CPNE5: variants seen among roughly 807,000 people sequenced by gnomAD.
The protein encoded by CPNE5 is copine-5.
Under a neutral mutation model 81.1 loss-of-function variants are expected in CPNE5, and 42 were observed. That is an observed-to-expected ratio of 0.52 (90% CI 0.40 to 0.67). The LOEUF (loss-of-function observed/expected upper bound fraction) is 0.67, where lower values mean the gene tolerates loss of function less well. Ranked by LOEUF, CPNE5 falls within the 30% of genes least tolerant of loss-of-function variation. The probability of loss-of-function intolerance (pLI) is 0.00; values close to 1 mark genes in which losing one functional copy is unlikely to be tolerated. For synonymous variants in CPNE5, 313 were observed against 321.5 expected (o/e 0.97, Z 0.28); for missense variants, 612 against 815.5 (o/e 0.75, Z 3.04).
chr6:36,756,466 C>T (rs549573479), intron 12 of CPNE5, among the ~76,000 whole-genome samples, 168 bp from the exon 13 acceptor site: 2 of 152,226 alleles, frequency 1.3e-5, no homozygotes, highest in South Asian at 4.2e-4. Flanking sequence ...TTGTGGGAGA[C>T]TGGTATTGAG....
At chr6:36,770,195 T>C (rs558836237) in intron 10 of CPNE5, among the ~76,000 whole-genome samples, 3 of 152,148 alleles carry the variant, frequency 2.0e-5, no homozygotes, top group Non-Finnish European at 4.4e-5. Context: ...GGTTTGGCCT[T>C]GTGTGGACTG....
At position 36,825,885 on chromosome 6, in the gene CPNE5, G is replaced by A. The variant is rs142464896; in HGVS notation, c.96-2787C>T. On this transcript the variant is annotated intron_variant, in intron 1 of 20. Transcript: ENST00000244751. Reference sequence around the variant, plus strand: ...GGGGGACTTCTCTACTAAAGCAAGCGCTTTAGGTTTATCTTTGAATTCTAT... The same window carrying A: ...GGGGGACTTCTCTACTAAAGCAAGCACTTTAGGTTTATCTTTGAATTCTAT... Among the ~76,000 whole-genome samples, 871 of 152,274 alleles carry A rather than the reference G, an allele frequency of 5.7e-3. 1 individual carries two copies. The highest frequency in any genetic ancestry group is 9.2e-3 in the Admixed American group (140 of 15,292).
intron 1 of CPNE5, among the ~76,000 whole-genome samples, chr6:36,824,803 C>T (rs902506763): frequency 6.6e-6 from 1 of 151,996 alleles, no homozygotes; most frequent in Non-Finnish European, 1.5e-5. Flanking sequence ...AAAATTAGCC[C>T]GGCATGGTGG....
intron 3 of CPNE5, among the ~76,000 whole-genome samples, chr6:36,805,258 A>C (rs999051219): frequency 2.0e-5 from 3 of 151,664 alleles, no homozygotes; most frequent in East Asian, 1.9e-4. Context: ...ACTGCTGTGC[A>C]GCAAATCCTG....
chr6:36,774,387 T>TA (rs1767314103), intron 10 of CPNE5, among the ~76,000 whole-genome samples: 2 of 152,016 alleles, frequency 1.3e-5, no homozygotes, highest in Non-Finnish European at 2.9e-5. Context: ...AGACCCTGTC[T>TA]AAAAAAAGAG....
chr6:36,812,120 GA>G (rs1375207370), intron 3 of CPNE5, among the ~76,000 whole-genome samples: 2 of 152,096 alleles, frequency 1.3e-5, no homozygotes, highest in African/African-American at 4.8e-5. Flanking sequence ...AAACAAACAA[GA>G]AAAGCCCACT....
intron 1 of CPNE5, among the ~76,000 whole-genome samples, chr6:36,838,163 C>T (rs1229619526): frequency 1.3e-5 from 2 of 152,212 alleles, no homozygotes; most frequent in African/African-American, 2.4e-5. Context: ...TCTACCTACA[C>T]CTCATCAATG....
intron 1 of CPNE5, among the ~76,000 whole-genome samples, chr6:36,826,571 G>A (rs957270738): frequency 2.0e-5 from 3 of 152,312 alleles, no homozygotes; most frequent in Admixed American, 2.0e-4. Flanking sequence ...ACGATCGGTT[G>A]CAAAATCATG....
chr6:36,771,395 CCT>C (rs1767023138), intron 10 of CPNE5, among the ~76,000 whole-genome samples: 1 of 152,246 alleles, frequency 6.6e-6, no homozygotes, highest in Non-Finnish European at 1.5e-5. Context: ...TCTCTCAGGG[CCT>C]CTCTGTCTCC....
chr6:36,752,017 G>T (rs757507192), intron 14 of CPNE5, among the ~76,000 whole-genome samples: 1 of 152,000 alleles, frequency 6.6e-6, no homozygotes, highest in Non-Finnish European at 1.5e-5. Context: ...ACTGGAGGCA[G>T]GGTGTGTGCT....
intron 13 of CPNE5, 104 bp downstream of exon 13, chr6:36,756,137 ACGCT>A: frequency 1.6e-6 from 1 of 615,296 alleles, no homozygotes; most frequent in Non-Finnish European, 2.6e-6. Flanking sequence ...TCTGATTCCC[ACGCT>A]CAGCCCCTGC....
Position 36,742,299 on chromosome 6 carries a change from G to T in CPNE5, c.1751C>A (p.Pro584His). 1.2e-6 allele frequency: 2 copies of T among 1,603,272 alleles called. No individual in the cohort carries two copies. The highest frequency in any genetic ancestry group is 1.7e-6 in the Non-Finnish European group (2 of 1,176,884). The change falls in exon 21 of 21, where the codon CCC becomes CAC. Residue 584 changes from proline to histidine, a missense_variant. Transcript: ENST00000244751. Reference protein sequence around the residue: ...HSPSQSPARTPPASPLHTHI With the variant: ...HSPSQSPARTHPASPLHTHI ...GTGCGTGTGCAGGGGGGACGCAGGGGGCGTGCGGGCTGGGGACTGCGAGGG... is the reference window on the plus strand; with the variant it reads ...GTGCGTGTGCAGGGGGGACGCAGGGTGCGTGCGGGCTGGGGACTGCGAGGG...
At chr6:36,764,075 G>A (rs780817379) in intron 11 of CPNE5, among the ~76,000 whole-genome samples, 202 of 125,016 alleles carry the variant, frequency 1.6e-3, no homozygotes, top group Admixed American at 4.6e-3. Context: ...TGTCCCTGGG[G>A]CCCCACCCCC....
chr6:36,804,668 C>T (rs767083314), intron 3 of CPNE5, among the ~76,000 whole-genome samples: 20 of 151,848 alleles, frequency 1.3e-4, no homozygotes, highest in Non-Finnish European at 2.8e-4. Context: ...CACCCCACCC[C>T]ACCCCCAGCA....
chr6:36,755,952 G>A (rs1765405859), intron 13 of CPNE5: 1 of 471,840 alleles, frequency 2.1e-6, no homozygotes, highest in Non-Finnish European at 3.7e-6. Context: ...CCAGGGTAGG[G>A]GCCCAATAAA....
At chr6:36,773,212 G>A (rs236424) in intron 10 of CPNE5, among the ~76,000 whole-genome samples, 11,460 of 152,022 alleles carry the variant, frequency 0.075, 514 homozygotes, top group Middle Eastern at 0.2. Context: ...TGCTCCTGTC[G>A]GAGTGGCCCA....
In CPNE5 at chr6:36,742,355, C is replaced by G. The variant is rs144328823; in HGVS notation, c.1695G>C (p.Pro565=). The G allele has an allele frequency of 1.3e-5, 21 of 1,613,072 alleles. No homozygotes were observed. The highest frequency in any genetic ancestry group is 1.7e-5 in the Non-Finnish European group (20 of 1,179,928). The change falls in exon 21 of 21, where the codon CCG becomes CCC. Residue 565 remains proline (P), a synonymous_variant. Transcript: ENST00000244751. Reference sequence around the variant, plus strand: ...GGGTTGGTGCTGCGGGTGGGGGACGCGGGCGAATGCCCTGTGCCTTCATGT... The same window carrying G: ...GGGTTGGTGCTGCGGGTGGGGGACGGGGGCGAATGCCCTGTGCCTTCATGT... ...VSYMKAQGIR[P]RPPPAAPTHS...
chr6:36,831,603 C>T (rs1772993815), intron 1 of CPNE5, among the ~76,000 whole-genome samples: 1 of 134,654 alleles, frequency 7.4e-6, no homozygotes, highest in South Asian at 2.3e-4. Context: ...CACGCCACTG[C>T]ACTCCAGGCT....
chr6:36,800,163 C>T, intron 3 of CPNE5, 93 bp from the exon 4 acceptor site: 1 of 795,408 alleles, frequency 1.3e-6, no homozygotes, highest in Non-Finnish European at 2.0e-6. Flanking sequence ...GCCCCTTAGT[C>T]CTGGTTCTGG....
Sources: gnomAD v4.1 joint callset for allele counts (sites outside exome capture counted in the v4.1 genomes callset) on GRCh38, gnomAD v4.1.1 for gene constraint, MANE v1.5 for transcripts, NCBI Gene and HGNC (gene_info 2026-07-23, HGNC 2026-07-21) for gene names.